Variants in WWOX observed in about 807,000 individuals in gnomAD.
WWOX encodes the protein WW domain containing oxidoreductase.
A neutral mutation model predicts 46.2 loss-of-function variants in WWOX; 69 were observed. The observed-to-expected ratio is 1.49, with a 90% CI of 1.23 to 1.82. The LOEUF is 1.82. Among genes scored for constraint, WWOX ranks in the 40% most tolerant of loss-of-function variants. The pLI, the probability that WWOX is intolerant of heterozygous loss-of-function variation, is 0.00. For missense variants in WWOX, 919 were observed against 542.6 expected (o/e 1.69, Z -6.89); for synonymous variants, 359 against 202.6 (o/e 1.77, Z -6.56).
At chr16:78,882,166 G>A (rs909870093) in intron 8 of WWOX, among the ~76,000 whole-genome samples, 2 of 152,052 alleles carry the variant, frequency 1.3e-5, no homozygotes, top group African/African-American at 4.8e-5. Flanking sequence ...AGTTTTCTCC[G>A]TTTTGTGACT....
intron 8 of WWOX, among the ~76,000 whole-genome samples, chr16:79,089,520 C>G (rs763732627): frequency 3.3e-5 from 5 of 151,876 alleles, no homozygotes; most frequent in African/African-American, 7.3e-5. Context: ...TTAATACAGA[C>G]AGGGTTTCTC....
At chr16:78,421,511 G>A (rs1366297893) in intron 6 of WWOX, among the ~76,000 whole-genome samples, 1 of 152,086 alleles carries the variant, frequency 6.6e-6, no homozygotes, top group African/African-American at 2.4e-5. Flanking sequence ...TCACATTTGC[G>A]AAGACCCTTT....
chr16:78,248,661 G>A (rs1319834709), intron 5 of WWOX, among the ~76,000 whole-genome samples: 1 of 151,964 alleles, frequency 6.6e-6, no homozygotes, highest in Non-Finnish European at 1.5e-5. Context: ...GCTTGAACCC[G>A]GGAGGTGGAG....
chr16:78,636,645 G>C (rs982401280), intron 8 of WWOX, among the ~76,000 whole-genome samples: 2 of 152,100 alleles, frequency 1.3e-5, no homozygotes, highest in African/African-American at 4.8e-5. Context: ...TTAGCCTCAA[G>C]TTTCTGGAAT....
chr16:78,832,701 G>A (rs2051865262), intron 8 of WWOX, among the ~76,000 whole-genome samples: 1 of 152,136 alleles, frequency 6.6e-6, no homozygotes, highest in Non-Finnish European at 1.5e-5. Flanking sequence ...GAGGGATTGT[G>A]ATTAAAGAAT....
chr16:78,640,444 T>C (rs927065490), intron 8 of WWOX, among the ~76,000 whole-genome samples: 1 of 152,034 alleles, frequency 6.6e-6, no homozygotes, highest in Non-Finnish European at 1.5e-5. Flanking sequence ...CGTCTCCACA[T>C]TCTGCACCTC....
chr16:78,132,397 T>G (rs1219950836), intron 4 of WWOX, among the ~76,000 whole-genome samples: 1 of 152,208 alleles, frequency 6.6e-6, no homozygotes, highest in Non-Finnish European at 1.5e-5. Context: ...AAATCTACAG[T>G]AGGTATGGAG....
intron 5 of WWOX, among the ~76,000 whole-genome samples, chr16:78,368,620 G>A (rs1033951161): frequency 2.0e-5 from 3 of 152,216 alleles, no homozygotes; most frequent in Non-Finnish European, 4.4e-5. Flanking sequence ...ACTGAGGCCA[G>A]GGTGTATTAA....
At chr16:78,568,500 G>C (rs1376218595) in intron 8 of WWOX, among the ~76,000 whole-genome samples, 1 of 142,840 alleles carries the variant, frequency 7.0e-6, no homozygotes, top group Non-Finnish European at 1.5e-5. Flanking sequence ...TTTTGAGTTG[G>C]AGTCGCACTC....
chr16:78,968,820 A>G (rs1261277974), intron 8 of WWOX, among the ~76,000 whole-genome samples: 2 of 152,040 alleles, frequency 1.3e-5, no homozygotes, highest in African/African-American at 4.8e-5. Context: ...GTTCAATTGG[A>G]TTGGATCCGA....
chr16:78,607,726 T>G (rs907074749), intron 8 of WWOX, among the ~76,000 whole-genome samples: 3 of 151,920 alleles, frequency 2.0e-5, no homozygotes, highest in Admixed American at 6.6e-5. Context: ...GTGTGTGTGT[T>G]TGTTTTGGTC....
intron 8 of WWOX, among the ~76,000 whole-genome samples, chr16:79,025,672 A>G (rs547885870): frequency 3.9e-5 from 6 of 152,046 alleles, no homozygotes; most frequent in South Asian, 2.1e-4. Flanking sequence ...ATAAATTTCT[A>G]TTGTTTTAAG....
intron 8 of WWOX, among the ~76,000 whole-genome samples, chr16:79,175,987 A>G (rs939456573): frequency 2.6e-5 from 4 of 152,108 alleles, no homozygotes; most frequent in Non-Finnish European, 1.5e-5. Flanking sequence ...ATGCCTTTGA[A>G]TTTTAGCAGA....
chr16:79,120,559 C>T (rs565776792), intron 8 of WWOX, among the ~76,000 whole-genome samples: 1 of 152,146 alleles, frequency 6.6e-6, no homozygotes, highest in Admixed American at 6.5e-5. Flanking sequence ...CGTAAAACAG[C>T]AGAGATACAT....
At chr16:78,681,760 C>T (rs1459936868) in intron 8 of WWOX, among the ~76,000 whole-genome samples, 2 of 152,186 alleles carry the variant, frequency 1.3e-5, no homozygotes, top group Admixed American at 6.5e-5. Context: ...CAAAGGCGTG[C>T]GCAGTGACTC....
intron 8 of WWOX, among the ~76,000 whole-genome samples, chr16:78,762,061 G>A (rs1467629595): frequency 6.6e-6 from 1 of 152,172 alleles, no homozygotes; most frequent in Non-Finnish European, 1.5e-5. Flanking sequence ...TGTCAACTCT[G>A]TGCTGGCCTT....
chr16:78,871,298 G>T (rs887903301), intron 8 of WWOX, among the ~76,000 whole-genome samples: 2 of 152,080 alleles, frequency 1.3e-5, no homozygotes, highest in Middle Eastern at 6.8e-3. Context: ...ATGCACTGCT[G>T]AACCTGCTGA....
chr16:78,724,113 A>C (rs551291009), intron 8 of WWOX, among the ~76,000 whole-genome samples: 9 of 152,320 alleles, frequency 5.9e-5, no homozygotes, highest in Non-Finnish European at 1.0e-4. Flanking sequence ...GTGCAGGACG[A>C]GGAGGAAAAT....
At chr16:78,902,032 A>T (rs1184580407) in intron 8 of WWOX, among the ~76,000 whole-genome samples, 1 of 152,210 alleles carries the variant, frequency 6.6e-6, no homozygotes, top group Non-Finnish European at 1.5e-5. Context: ...GACCAACACA[A>T]ATTACTGGGT....
Sources: gnomAD v4.1 joint callset for allele counts (sites outside exome capture counted in the v4.1 genomes callset) on GRCh38, gnomAD v4.1.1 for gene constraint, MANE v1.5 for transcripts, NCBI Gene and HGNC (gene_info 2026-07-23, HGNC 2026-07-21) for gene names.